TIAM1: variants seen among roughly 807,000 people sequenced by gnomAD.
TIAM1 encodes the protein TIAM Rac1 associated GEF 1.
TIAM1 carries 65 observed loss-of-function variants against 163.5 expected under a neutral mutation model. That is an observed-to-expected ratio of 0.40 (90% CI 0.33 to 0.49). The LOEUF (loss-of-function observed/expected upper bound fraction) is 0.49, where lower values mean the gene tolerates loss of function less well. Ranked by LOEUF, TIAM1 falls within the 20% of genes least tolerant of loss-of-function variation. TIAM1 has a pLI of 0.77. For missense variants in TIAM1, 1,789 were observed against 2,044.7 expected (o/e 0.87, Z 2.41); for synonymous variants, 833 against 810.1 (o/e 1.03, Z -0.48).
chr21:31,395,969 C>CT lies in TIAM1; in HGVS notation c.-368-56548dup, dbSNP rs1311239473. Among the ~76,000 whole-genome samples the CT allele has an allele frequency of 1.3e-5, 2 of 152,116 alleles. No individual in the cohort carries two copies. Among genetic ancestry groups the CT allele is most frequent in the East Asian group, 1.9e-4 (1 of 5,194 alleles). ...GATTTAAAATTCAACAGGAACATGG[C>CT]TTTTTTCCTCCGTAATGGCTGTGAA... On this transcript the variant is annotated intron_variant, in intron 2 of 28. Transcript: ENST00000286827. The surrounding 1 kb of genome is among the most constrained non-coding windows in gnomAD (Gnocchi z 7.5).
chr21:31,341,675 A>ATTTT (rs775930183), intron 1 of TIAM1, among the ~76,000 whole-genome samples: 187 of 152,352 alleles, frequency 1.2e-3, no homozygotes, highest in Non-Finnish European at 1.6e-3. Context: ...CACAAACAGA[A>ATTTT]AGTATATTTT....
rs150777843 is a variant in TIAM1 at position 31,169,249 on chromosome 21, G to A, written c.2888-4184C>T. ...GCAGAGGTTGCAGTGAGCCAAGATC[G>A]CACCACTGCACTTCAGCCTGGCAGA... On this transcript the variant is annotated intron_variant, in intron 15 of 27. Transcript: ENST00000541036. Among the ~76,000 whole-genome samples the A allele has an allele frequency of 2.8e-3, 427 of 152,240 alleles. 3 individuals are homozygous for A. The highest frequency in any genetic ancestry group is 9.8e-3 in the African/African-American group (408 of 41,538).
intron 12 of TIAM1, 145 bp downstream of exon 12, chr21:31,202,763 C>G: frequency 1.4e-6 from 1 of 707,430 alleles, no homozygotes; most frequent in Non-Finnish European, 2.4e-6. Context: ...CTAAGTAGGG[C>G]CATCTCCACC....
chr21:31,411,259 T>C (rs918456225), intron 2 of TIAM1, among the ~76,000 whole-genome samples: 1 of 152,116 alleles, frequency 6.6e-6, no homozygotes, highest in Non-Finnish European at 1.5e-5. Flanking sequence ...CAGCAAATAT[T>C]AAAAGCTAGA....
intron 1 of TIAM1, among the ~76,000 whole-genome samples, chr21:31,501,756 C>A (rs913902889): frequency 6.6e-6 from 1 of 152,210 alleles, no homozygotes; most frequent in Non-Finnish European, 1.5e-5. Flanking sequence ...GCATCTACCA[C>A]CACGCCTGGC....
At chr21:31,259,645 A>G (rs2072338575) in intron 4 of TIAM1, among the ~76,000 whole-genome samples, 1 of 150,374 alleles carries the variant, frequency 6.7e-6, no homozygotes, top group Non-Finnish European at 1.5e-5. Context: ...TAATAATAAT[A>G]ATAATAATAA....
At chr21:31,203,331 C>A (rs574290729) in intron 11 of TIAM1, among the ~76,000 whole-genome samples, 7 of 152,254 alleles carry the variant, frequency 4.6e-5, no homozygotes, top group Non-Finnish European at 1.0e-4. Flanking sequence ...CTATGTTGGC[C>A]AGGCTGGTCT....
intron 2 of TIAM1, among the ~76,000 whole-genome samples, chr21:31,328,112 T>A (rs560433570): frequency 5.9e-4 from 90 of 152,246 alleles, no homozygotes; most frequent in African/African-American, 2.2e-3. Context: ...CCTTGCCATC[T>A]TGGCTCCAAT....
chr21:31,351,486 TA>T (rs1431933619), intron 2 of TIAM1, among the ~76,000 whole-genome samples: 30 of 152,224 alleles, frequency 2.0e-4, no homozygotes, highest in Admixed American at 1.8e-3. Flanking sequence ...CATCTAGAAT[TA>T]ATAAGCAAAC....
At chr21:31,246,225 T>G (rs1348895161) in intron 5 of TIAM1, among the ~76,000 whole-genome samples, 1 of 152,078 alleles carries the variant, frequency 6.6e-6, no homozygotes. Flanking sequence ...TATAAACTTT[T>G]TTTTTTTCTA....
At chr21:31,302,649 C>T (rs1309193385) in intron 2 of TIAM1, among the ~76,000 whole-genome samples, 1 of 152,208 alleles carries the variant, frequency 6.6e-6, no homozygotes, top group African/African-American at 2.4e-5. Flanking sequence ...TGCATAACGG[C>T]CAAGTCTGCC....
In TIAM1 at chr21:31,223,576, G is replaced by C; in HGVS notation, c.1825C>G (p.Gln609Glu). 1 of 1,596,140 alleles carries C rather than the reference G, an allele frequency of 6.3e-7. No homozygotes were observed. The highest frequency in any genetic ancestry group is 8.5e-7 in the Non-Finnish European group (1 of 1,171,968). ...TCCATTTGGAACTGCTCGAGATTTT[G>C]CTCCCAGACAAAGATCTATGGTAGT... ...TILDQIFVWE[Q>E]NLEQFQMDLF... is the part of the protein sequence containing the mutation. Residue 609 changes from glutamine to glutamate, a missense_variant, in exon 8 of 28, where the codon CAA becomes GAA. Coordinates refer to ENST00000541036, the MANE Select transcript of TIAM1 (RefSeq NM_001353694.2).
chr21:31,433,635 G>C (rs2044115326), intron 2 of TIAM1, among the ~76,000 whole-genome samples: 7 of 152,300 alleles, frequency 4.6e-5, no homozygotes, highest in Middle Eastern at 3.4e-3. Flanking sequence ...TGGAGGCTGA[G>C]AGATTTTAAT....
At chr21:31,221,769 A>C (rs1350638592) in intron 8 of TIAM1, among the ~76,000 whole-genome samples, 1 of 152,186 alleles carries the variant, frequency 6.6e-6, no homozygotes, top group Non-Finnish European at 1.5e-5. Context: ...TCCTCAATGG[A>C]TGATATTCTG....
chr21:31,418,185 T>C (rs2043438954), intron 2 of TIAM1, among the ~76,000 whole-genome samples: 1 of 151,086 alleles, frequency 6.6e-6, no homozygotes, highest in Non-Finnish European at 1.5e-5. Flanking sequence ...CTACTGAAAG[T>C]ACAAAAATTA....
chr21:31,426,801 C>T (rs188255163), intron 2 of TIAM1, among the ~76,000 whole-genome samples: 9 of 152,146 alleles, frequency 5.9e-5, no homozygotes, highest in East Asian at 1.9e-4. Flanking sequence ...ATTTGTAAGG[C>T]CCAGAGCCTC....
intron 2 of TIAM1, among the ~76,000 whole-genome samples, chr21:31,385,753 T>C (rs2076856048): frequency 6.7e-6 from 1 of 149,564 alleles, no homozygotes; most frequent in Non-Finnish European, 1.5e-5. Context: ...ACCAGCTGTT[T>C]AAAACGTAAA....
chr21:31,346,135 T>C (rs2076143947), upstream of TIAM1, among the ~76,000 whole-genome samples: 1 of 152,006 alleles, frequency 6.6e-6, no homozygotes, highest in South Asian at 2.1e-4. Context: ...CTCTACATCC[T>C]ATCATGCATA....
chr21:31,520,456 T>C (rs2047543040), intron 1 of TIAM1, among the ~76,000 whole-genome samples: 1 of 152,230 alleles, frequency 6.6e-6, no homozygotes, highest in Admixed American at 6.5e-5. Flanking sequence ...GGTTTTACTT[T>C]TTCCTTTGAG....
Sources: allele counts gnomAD v4.1 joint callset (sites outside exome capture counted in the v4.1 genomes callset), GRCh38; gene constraint gnomAD v4.1.1; non-coding constraint Gnocchi (gnomAD v3.1); transcripts MANE v1.5; gene names NCBI Gene and HGNC (gene_info 2026-07-23, HGNC 2026-07-21).